The following PCDH11Y variants were observed in gnomAD, a reference collection of about 807,000 sequenced individuals.
PCDH11Y encodes the protein protocadherin-11 Y-linked.
For synonymous variants in PCDH11Y, 9 were observed against 83.6 expected, an observed-to-expected ratio of 0.11 and a Z score of 4.87; for missense variants, 12 against 224.8, an observed-to-expected ratio of 0.05 and a Z score of 6.05.
intron 2 of PCDH11Y, among the ~76,000 whole-genome samples, chrY:5,136,416 G>A: frequency 6.2e-5 from 2 of 32,437 alleles, no homozygotes; most frequent in Non-Finnish European, 1.5e-4. Context: ...TATAGAACAC[G>A]GTTCTATAAC....
intron 2 of PCDH11Y, among the ~76,000 whole-genome samples, chrY:5,450,462 C>T: frequency 3.1e-5 from 1 of 32,661 alleles, no homozygotes; most frequent in African/African-American, 1.2e-4. Context: ...TCAAGATTTT[C>T]ATTGTAATGC....
chrY:5,089,826 C>A, intron 1 of PCDH11Y, among the ~76,000 whole-genome samples: 1 of 33,003 alleles, frequency 3.0e-5, no homozygotes, highest in African/African-American at 1.2e-4. Flanking sequence ...AAACTGAAAT[C>A]TTCTTTTGGA....
At chrY:5,245,060 C>G in intron 2 of PCDH11Y, among the ~76,000 whole-genome samples, 6 of 33,035 alleles carry the variant, frequency 1.8e-4, no homozygotes, top group Non-Finnish European at 3.8e-4. Flanking sequence ...CCTGCAGGAA[C>G]TCCAACTCTA....
At chrY:5,422,613 A>C in intron 2 of PCDH11Y, among the ~76,000 whole-genome samples, 1 of 33,206 alleles carries the variant, frequency 3.0e-5, no homozygotes, top group Non-Finnish European at 7.5e-5. Flanking sequence ...ATGGAATAGA[A>C]TAGAAATCCC....
chrY:5,502,657 T>C lies in PCDH11Y; in HGVS notation c.3328+1402T>C, dbSNP rs1602935186. Among the ~76,000 whole-genome samples the C allele has an allele frequency of 2.4e-4, 8 of 33,492 alleles. No individual in the cohort carries two copies. In the East Asian group the frequency reaches 5.4e-3, roughly 23 times the overall value. 89.9% of individuals were successfully genotyped at this position (33,492 alleles called of 37,273 possible). A position where few individuals can be genotyped will look rare whatever the true frequency, so the allele number is the denominator to read the frequency against. Reference sequence around the variant, plus strand: ...GAGTTAATCTCTAATAAGAATATGATCATAAGTAACAAATACACATTAAGC... The same window carrying C: ...GAGTTAATCTCTAATAAGAATATGACCATAAGTAACAAATACACATTAAGC... On this transcript the variant is annotated intron_variant, in intron 3 of 4. Transcript: ENST00000400457.
intron 4 of PCDH11Y, among the ~76,000 whole-genome samples, chrY:5,703,177 CAACT>C (rs2053579595): frequency 3.1e-5 from 1 of 32,371 alleles, no homozygotes; most frequent in African/African-American, 1.2e-4. Context: ...TTATGGGATG[CAACT>C]AACTAAAACC....
At chrY:5,443,876 A>G (rs2053284696) in intron 2 of PCDH11Y, among the ~76,000 whole-genome samples, 1 of 33,168 alleles carries the variant, frequency 3.0e-5, no homozygotes, top group African/African-American at 1.2e-4. Flanking sequence ...CAAACTTCAC[A>G]TGTTCTCACT....
At chrY:5,626,279 T>A in intron 4 of PCDH11Y, among the ~76,000 whole-genome samples, 1 of 32,422 alleles carries the variant, frequency 3.1e-5, no homozygotes, top group African/African-American at 1.2e-4. Flanking sequence ...CTGTGCTTAT[T>A]TGTATCTTCC....
intron 2 of PCDH11Y, among the ~76,000 whole-genome samples, chrY:5,180,054 A>G (rs2052898405): frequency 3.1e-5 from 1 of 31,976 alleles, no homozygotes; most frequent in Admixed American, 2.9e-4. Flanking sequence ...GTTGGGTAGC[A>G]TGATGCCTCC....
At chrY:5,004,061 T>G in intron 1 of PCDH11Y, among the ~76,000 whole-genome samples, 1 of 33,693 alleles carries the variant, frequency 3.0e-5, no homozygotes, top group Non-Finnish European at 7.3e-5. Flanking sequence ...TTCTTCCCCC[T>G]TCCTTTTCTT....
At chrY:5,442,695 A>G (rs2124681925) in intron 2 of PCDH11Y, among the ~76,000 whole-genome samples, 4 of 32,528 alleles carry the variant, frequency 1.2e-4, no homozygotes, top group African/African-American at 4.7e-4. Context: ...CAAACTGATA[A>G]GATTTAAAAA....
intron 3 of PCDH11Y, among the ~76,000 whole-genome samples, chrY:5,048,467 G>A (rs2124626480): frequency 3.0e-5 from 1 of 32,792 alleles, no homozygotes; most frequent in East Asian, 8.1e-4. Flanking sequence ...CCTCTTTGAG[G>A]AATCACTATG....
intron 2 of PCDH11Y, among the ~76,000 whole-genome samples, chrY:5,233,743 G>A: frequency 1.8e-4 from 6 of 32,896 alleles, no homozygotes; most frequent in Admixed American, 1.1e-3. Flanking sequence ...ATGTATTCTA[G>A]CTCAATTTCC....
chrY:5,709,305 C>A, intron 4 of PCDH11Y, among the ~76,000 whole-genome samples: 1 of 32,608 alleles, frequency 3.1e-5, no homozygotes, highest in African/African-American at 1.2e-4. Flanking sequence ...TAAACTCTGA[C>A]TCCCACATGG....
intron 3 of PCDH11Y, among the ~76,000 whole-genome samples, chrY:5,567,050 A>T: frequency 3.1e-5 from 1 of 31,899 alleles, no homozygotes; most frequent in East Asian, 8.2e-4. Flanking sequence ...TAGTTAACAG[A>T]ATGAGATTAT....
intron 3 of PCDH11Y, among the ~76,000 whole-genome samples, chrY:5,579,719 A>G: frequency 3.1e-5 from 1 of 32,543 alleles, no homozygotes; most frequent in Non-Finnish European, 7.6e-5. Context: ...CACATAGTCT[A>G]TAGTATTTCA....
intron 2 of PCDH11Y, among the ~76,000 whole-genome samples, chrY:5,422,411 A>G: frequency 3.7e-5 from 1 of 27,192 alleles, no homozygotes. Flanking sequence ...ATCAATCCCA[A>G]TAATACTTTT....
At chrY:5,181,713 C>T in intron 2 of PCDH11Y, among the ~76,000 whole-genome samples, 1 of 32,034 alleles carries the variant, frequency 3.1e-5, no homozygotes, top group Non-Finnish European at 7.6e-5. Flanking sequence ...GTCTATTCTG[C>T]TGTCAATACT....
At chrY:5,324,847 A>C in intron 2 of PCDH11Y, among the ~76,000 whole-genome samples, 1 of 32,675 alleles carries the variant, frequency 3.1e-5, no homozygotes, top group Non-Finnish European at 7.5e-5. Context: ...GAGGCTGTTT[A>C]TTTCACCTGG....
Sources: gnomAD v4.1 joint callset for allele counts (sites outside exome capture counted in the v4.1 genomes callset) on GRCh38, gnomAD v4.1.1 for gene constraint, MANE v1.5 for transcripts, NCBI Gene and HGNC (gene_info 2026-07-23, HGNC 2026-07-21) for gene names.